Variants in ATXN1 observed in about 807,000 individuals in gnomAD.
ATXN1 encodes the protein ataxin 1.
Under a neutral mutation model 56.4 loss-of-function variants are expected in ATXN1, and 8 were observed. The ratio of observed to expected loss-of-function variants is 0.14; its 90% CI spans 0.08 to 0.26. The LOEUF (loss-of-function observed/expected upper bound fraction) is 0.26. Ranked by LOEUF, ATXN1 falls within the 10% of genes least tolerant of loss-of-function variation. ATXN1 has a pLI of 1.00. For missense variants in ATXN1, 987 were observed against 1,106.5 expected (o/e 0.89, Z 1.53); for synonymous variants, 514 against 494.6 (o/e 1.04, Z -0.52).
At chr6:16,732,582 A>AC (rs1561827544) in intron 2 of ATXN1, among the ~76,000 whole-genome samples, 6 of 151,866 alleles carry the variant, frequency 4.0e-5, no homozygotes, top group East Asian at 1.9e-4. Context: ...CACACACACA[A>AC]AAAAAAATCA....
At chr6:16,708,677 G>C (rs1237914632) in intron 2 of ATXN1, among the ~76,000 whole-genome samples, 1 of 152,060 alleles carries the variant, frequency 6.6e-6, no homozygotes, top group Non-Finnish European at 1.5e-5. Context: ...AATCTTAAAA[G>C]TGTGTGTACC....
In ATXN1 at chr6:16,328,867, C is replaced by T. The variant is rs1581693459; in HGVS notation, c.-160-397G>A. Among the ~76,000 whole-genome samples, 1 of 152,250 alleles carries T rather than the reference C, an allele frequency of 6.6e-6. No homozygotes were observed. The highest frequency in any genetic ancestry group is 1.9e-4 in the East Asian group (1 of 5,188). On this transcript the variant is annotated intron_variant, in intron 6 of 7. Coordinates refer to ENST00000436367, the MANE Select transcript of ATXN1 (RefSeq NM_001128164.2). This position sits in a 1 kb window ranked among gnomAD's most constrained non-coding sequence, Gnocchi z 6.2. Reference sequence around the variant, plus strand: ...GCTTGAACCCAGGAGGCAGAGGTTGCAGTGAGCCGAGATTGCACCATTGTA... The same window carrying T: ...GCTTGAACCCAGGAGGCAGAGGTTGTAGTGAGCCGAGATTGCACCATTGTA...
chr6:16,533,732 T>C (rs1761546141), intron 4 of ATXN1, among the ~76,000 whole-genome samples: 1 of 152,176 alleles, frequency 6.6e-6, no homozygotes, highest in Admixed American at 6.5e-5. Context: ...TCTTCTTCTT[T>C]CCCTAACCAT....
In ATXN1 at chr6:16,326,895, G is replaced by T; in HGVS notation, c.1416C>A (p.Ile472=). Residue 472 remains isoleucine (I), a synonymous_variant, in exon 7 of 8, where the codon ATC becomes ATA. Coordinates refer to ENST00000436367, the MANE Select transcript of ATXN1 (RefSeq NM_001128164.2). The surrounding 1 kb of genome is among the most constrained non-coding windows in gnomAD (Gnocchi z 6.6). ...IGYLSGQQQA[I]TYAGSLPQHL... ...GCTGGGGCAGGCTGCCGGCGTAGGT[G>T]ATTGCTTGCTGCTGGCCGCTCAGGT... 1.2e-5 allele frequency: 19 copies of T among 1,612,892 alleles called. No individual in the cohort carries two copies. The highest frequency in any genetic ancestry group is 1.5e-5 in the Non-Finnish European group (18 of 1,179,172).
intron 4 of ATXN1, among the ~76,000 whole-genome samples, chr6:16,580,902 G>A (rs1400160872): frequency 6.6e-6 from 1 of 152,156 alleles, no homozygotes; most frequent in African/African-American, 2.4e-5. Context: ...GGAAGGGTGG[G>A]AGAAAAGGGA....
chr6:16,314,825 G>A (rs1029369494), intron 7 of ATXN1, among the ~76,000 whole-genome samples: 2 of 152,034 alleles, frequency 1.3e-5, no homozygotes, highest in Admixed American at 6.6e-5. Flanking sequence ...TGGCCAGGCT[G>A]GTCTTGAACT....
In ATXN1 at chr6:16,738,791, T is replaced by C. The variant is rs530138499; in HGVS notation, c.-615+14442A>G. The C allele has an allele frequency of 1.2e-4, 19 of 152,370 alleles. 1 individual carries two copies. In the South Asian group the frequency reaches 2.7e-3, roughly 22 times the overall value. The allele number at this position is 152,370 out of a possible 1,614,324, so 9.4% of individuals were successfully genotyped here. A position where few individuals can be genotyped will look rare whatever the true frequency, so the allele number is the denominator to read the frequency against. ...TTGTCCATAAAACAACCCTATAAGATATGTAAACATGAATTCAATTTTCTT... is the reference window on the plus strand; with the variant it reads ...TTGTCCATAAAACAACCCTATAAGACATGTAAACATGAATTCAATTTTCTT... On this transcript the variant is annotated intron_variant, in intron 2 of 7. Transcript: ENST00000436367.
chr6:16,422,361 G>A (rs1291096762), intron 6 of ATXN1, among the ~76,000 whole-genome samples: 1 of 152,222 alleles, frequency 6.6e-6, no homozygotes, highest in Non-Finnish European at 1.5e-5. Flanking sequence ...TGGTGCCACA[G>A]TAGTTCCCAT....
rs372803832 is a variant in ATXN1 at position 16,326,076 on chromosome 6, C to T, written c.1917+318G>A. Among the ~76,000 whole-genome samples the T allele has an allele frequency of 1.3e-5, 2 of 152,216 alleles. No homozygotes were observed. The highest frequency in any genetic ancestry group is 6.5e-5 in the Admixed American group (1 of 15,280). ...ACTAGAAGGACCTGAAGTCCAGCAG[C>T]GTTTCCTAATCAGGGTTCCTCATCT... On this transcript the variant is annotated intron_variant, in intron 7 of 7. Coordinates refer to ENST00000436367, the MANE Select transcript of ATXN1 (RefSeq NM_001128164.2). This position sits in a 1 kb window ranked among gnomAD's most constrained non-coding sequence, Gnocchi z 6.6.
Position 16,326,263 on chromosome 6 carries a change from G to C in ATXN1, c.1917+131C>G. 12 of 1,449,428 alleles carry C rather than the reference G, an allele frequency of 8.3e-6. No individual in the cohort carries two copies. Among genetic ancestry groups the C allele is most frequent in the Non-Finnish European group, 1.0e-5 (11 of 1,104,674 alleles). 89.8% of individuals were successfully genotyped at this position (1,449,428 alleles called of 1,614,324 possible). ...TTTTCTAGAGAACGCAGTTGGGAAA[G>C]GCCGAGTCTAAGGTCTAGGTGTACC... On this transcript the variant is annotated intron_variant, in intron 7 of 7. Coordinates refer to ENST00000436367, the MANE Select transcript of ATXN1 (RefSeq NM_001128164.2). This position sits in a 1 kb window ranked among gnomAD's most constrained non-coding sequence, Gnocchi z 6.6.
intron 6 of ATXN1, among the ~76,000 whole-genome samples, chr6:16,480,219 T>C (rs1403384343): frequency 6.7e-6 from 1 of 150,148 alleles, no homozygotes; most frequent in African/African-American, 2.5e-5. Flanking sequence ...CTGGTGGCCA[T>C]GTGCTACAAA....
chr6:16,611,250 G>T (rs970148325), intron 3 of ATXN1, among the ~76,000 whole-genome samples: 4 of 152,178 alleles, frequency 2.6e-5, no homozygotes, highest in African/African-American at 9.7e-5. Context: ...ATCTTATACA[G>T]GGAGGAGGTA....
At chr6:16,572,859 G>A (rs1302617233) in intron 4 of ATXN1, among the ~76,000 whole-genome samples, 3 of 152,050 alleles carry the variant, frequency 2.0e-5, no homozygotes, top group Admixed American at 2.0e-4. Context: ...TTCAGTTTTG[G>A]TACCTTGGGA....
chr6:16,310,700 G>A (rs1760368690), intron 7 of ATXN1, among the ~76,000 whole-genome samples: 1 of 152,118 alleles, frequency 6.6e-6, no homozygotes, highest in African/African-American at 2.4e-5. Context: ...TGTTGGCCAG[G>A]ATGGTCTCGA....
At position 16,471,826 on chromosome 6, in the gene ATXN1, C is replaced by A. The variant is rs117568415; in HGVS notation, c.-161+14146G>T. Among the ~76,000 whole-genome samples the A allele has an allele frequency of 4.6e-5, 7 of 152,150 alleles. No homozygotes were observed. In the East Asian group the frequency reaches 1.4e-3, roughly 29 times the overall value. ...AGCCTATTTTTCTTTATAAGACACTCGGAATACCTAACAGGCCTTAACTTC... is the reference window on the plus strand; with the variant it reads ...AGCCTATTTTTCTTTATAAGACACTAGGAATACCTAACAGGCCTTAACTTC... On this transcript the variant is annotated intron_variant, in intron 6 of 7. Coordinates refer to ENST00000436367, the MANE Select transcript of ATXN1 (RefSeq NM_001128164.2).
chr6:16,328,601 C>G lies in ATXN1; in HGVS notation c.-160-131G>C, dbSNP rs914827469. On this transcript the variant is annotated intron_variant, in intron 6 of 7. Transcript: ENST00000436367. The surrounding 1 kb of genome is among the most constrained non-coding windows in gnomAD (Gnocchi z 6.2). Reference sequence around the variant, plus strand: ...CAAGATTAAGACTAGGCCCTGGACTCGGTGTGAACTCCCATAACCCAATCA... The same window carrying G: ...CAAGATTAAGACTAGGCCCTGGACTGGGTGTGAACTCCCATAACCCAATCA... 3 of 313,404 alleles carry G rather than the reference C, an allele frequency of 9.6e-6. No individual in the cohort carries two copies. The highest frequency in any genetic ancestry group is 9.4e-4 in the Middle Eastern group (1 of 1,062). The allele number at this position is 313,404 out of a possible 1,614,324, so 19.4% of individuals were successfully genotyped here.
intron 2 of ATXN1, among the ~76,000 whole-genome samples, chr6:16,710,982 A>G (rs1287441450): frequency 2.0e-5 from 3 of 152,178 alleles, no homozygotes; most frequent in African/African-American, 7.2e-5. Context: ...TCCTGGGCCC[A>G]AGCGATCCTC....
chr6:16,470,550 A>C (rs2113638298), intron 6 of ATXN1, among the ~76,000 whole-genome samples: 1 of 152,324 alleles, frequency 6.6e-6, no homozygotes, highest in Middle Eastern at 3.4e-3. Context: ...CTTACATGCA[A>C]AGTTATCTGA....
chr6:16,545,930 T>G (rs72825518), intron 4 of ATXN1, among the ~76,000 whole-genome samples: 4 of 152,246 alleles, frequency 2.6e-5, no homozygotes, highest in Non-Finnish European at 5.9e-5. Context: ...GAATTTATTA[T>G]GAAAGCACAG....
Sources: gnomAD v4.1 joint callset for allele counts (sites outside exome capture counted in the v4.1 genomes callset) on GRCh38, gnomAD v4.1.1 for gene constraint, Gnocchi (gnomAD v3.1) non-coding constraint, MANE v1.5 for transcripts, NCBI Gene and HGNC (gene_info 2026-07-23, HGNC 2026-07-21) for gene names.